Variants in AKAP19 observed in about 807,000 individuals in gnomAD.
The protein encoded by AKAP19 is small A-kinase anchoring protein.
the AKAP19 span, among the ~76,000 whole-genome samples, chr2:190,135,337 G>T: frequency 1.3e-5 from 2 of 152,148 alleles, no homozygotes; most frequent in African/African-American, 4.8e-5. Context: ...ATGGGAGCTT[G>T]TTTGAAATGT....
the AKAP19 span, among the ~76,000 whole-genome samples, chr2:190,034,291 G>A: frequency 1.3e-5 from 2 of 151,604 alleles, no homozygotes; most frequent in East Asian, 1.9e-4. Flanking sequence ...TAAAAGATAC[G>A]TTTAAATATT....
At chr2:189,967,441 A>G in the AKAP19 span, among the ~76,000 whole-genome samples, 1 of 152,238 alleles carries the variant, frequency 6.6e-6, no homozygotes, top group African/African-American at 2.4e-5. Flanking sequence ...TTTTTCTGTC[A>G]ACACAGACTT....
the AKAP19 span, among the ~76,000 whole-genome samples, chr2:189,896,991 T>TA: frequency 6.6e-6 from 1 of 152,134 alleles, no homozygotes; most frequent in African/African-American, 2.4e-5. Context: ...TGAGGCAGGA[T>TA]AGCTTCAGAA....
the AKAP19 span, among the ~76,000 whole-genome samples, chr2:190,129,944 G>T: frequency 1.3e-5 from 2 of 151,976 alleles, no homozygotes; most frequent in Admixed American, 6.6e-5. Flanking sequence ...CTATCTTGTG[G>T]TTACTTGGTT....
At chr2:190,033,813 C>T in the AKAP19 span, among the ~76,000 whole-genome samples, 2 of 152,142 alleles carry the variant, frequency 1.3e-5, no homozygotes, top group African/African-American at 2.4e-5. Context: ...CCATACCTCT[C>T]GTCTGATCAA....
the AKAP19 span, among the ~76,000 whole-genome samples, chr2:190,004,785 C>A: frequency 6.6e-5 from 10 of 152,150 alleles, no homozygotes; most frequent in Admixed American, 6.5e-4. Context: ...AGTGTGTCTG[C>A]CTTTCACACT....
the AKAP19 span, among the ~76,000 whole-genome samples, chr2:189,913,473 A>C: frequency 0.034 from 5,105 of 152,194 alleles, 288 homozygotes; most frequent in African/African-American, 0.12. Context: ...AAGTAAACAA[A>C]AGCCCTCCTA....
At chr2:190,159,641 G>T in the AKAP19 span, among the ~76,000 whole-genome samples, 1 of 152,104 alleles carries the variant, frequency 6.6e-6, no homozygotes, top group East Asian at 1.9e-4. Flanking sequence ...TGACTGCTTC[G>T]TAACCACATT....
At chr2:189,998,618 T>C in the AKAP19 span, among the ~76,000 whole-genome samples, 2 of 152,070 alleles carry the variant, frequency 1.3e-5, no homozygotes, top group Non-Finnish European at 2.9e-5. Context: ...ACTCTTTTGG[T>C]GATTTGTTTC....
At chr2:189,989,818 A>T in the AKAP19 span, among the ~76,000 whole-genome samples, 1 of 152,188 alleles carries the variant, frequency 6.6e-6, no homozygotes, top group Admixed American at 6.5e-5. Context: ...AAAGAAGTGC[A>T]AGAGTTGAAT....
the AKAP19 span, among the ~76,000 whole-genome samples, chr2:189,897,822 G>C: frequency 6.6e-6 from 1 of 152,104 alleles, no homozygotes; most frequent in Non-Finnish European, 1.5e-5. Context: ...AAAATGCTCT[G>C]AATGGGTAAC....
chr2:189,977,419 A>G, the AKAP19 span, among the ~76,000 whole-genome samples: 1 of 152,188 alleles, frequency 6.6e-6, no homozygotes, highest in Non-Finnish European at 1.5e-5. Flanking sequence ...CATCACTTTC[A>G]TTCAAATATC....
At chr2:189,938,291 A>G in the AKAP19 span, among the ~76,000 whole-genome samples, 1 of 151,472 alleles carries the variant, frequency 6.6e-6, no homozygotes, top group Non-Finnish European at 1.5e-5. Context: ...AGCCGAGATC[A>G]TGCCACTGCA....
At chr2:190,191,930 G>T in the AKAP19 span, among the ~76,000 whole-genome samples, 1 of 150,012 alleles carries the variant, frequency 6.7e-6, no homozygotes, top group African/African-American at 2.5e-5. Context: ...TCTTTTAACT[G>T]TGTTTTTTTT....
chr2:189,926,826 G>A, the AKAP19 span, among the ~76,000 whole-genome samples: 218 of 151,776 alleles, frequency 1.4e-3, 10 homozygotes, highest in South Asian at 0.043. Flanking sequence ...CTCATGATGC[G>A]CCCGTCTTGG....
At chr2:190,051,995 G>T in the AKAP19 span, among the ~76,000 whole-genome samples, 5 of 151,742 alleles carry the variant, frequency 3.3e-5, no homozygotes, top group East Asian at 9.7e-4. Context: ...CCGCCACCAC[G>T]CCTGGCTAAT....
the AKAP19 span, among the ~76,000 whole-genome samples, chr2:190,112,985 AT>A: frequency 6.6e-6 from 1 of 152,098 alleles, no homozygotes; most frequent in East Asian, 1.9e-4. Context: ...CCATTAGTCT[AT>A]TGAAGTTTCT....
the AKAP19 span, among the ~76,000 whole-genome samples, chr2:190,147,340 T>G: frequency 2.0e-5 from 3 of 152,234 alleles, no homozygotes; most frequent in African/African-American, 7.2e-5. Flanking sequence ...GGATTCTCTA[T>G]TCTGTTCCGT....
the AKAP19 span, among the ~76,000 whole-genome samples, chr2:189,959,797 T>C: frequency 6.6e-6 from 1 of 152,348 alleles, no homozygotes; most frequent in South Asian, 2.1e-4. Flanking sequence ...CAACAAAATA[T>C]TTCATGATTC....
Sources: allele counts gnomAD v4.1 joint callset (sites outside exome capture counted in the v4.1 genomes callset), GRCh38; gene constraint gnomAD v4.1.1; transcripts MANE v1.5; gene names NCBI Gene and HGNC (gene_info 2026-07-23, HGNC 2026-07-21).